The following PCSK5 variants were observed in gnomAD, a reference collection of about 807,000 sequenced individuals.
PCSK5 encodes proprotein convertase subtilisin/kexin type 5.
PCSK5 carries 129 observed loss-of-function variants against 233.2 expected under a neutral mutation model. The observed-to-expected ratio is 0.55, with a 90% CI of 0.48 to 0.64. PCSK5 has a LOEUF of 0.64. PCSK5 is among the 30% of genes least tolerant of loss of function. PCSK5 has a pLI of 0.00. For synonymous variants in PCSK5, 825 were observed against 879.2 expected (o/e 0.94, Z 1.09); for missense variants, 2,076 against 2,430.1 (o/e 0.85, Z 3.06).
intron 5 of PCSK5, among the ~76,000 whole-genome samples, chr9:76,052,860 A>G (rs1829681648): frequency 6.6e-6 from 1 of 152,208 alleles, no homozygotes; most frequent in African/African-American, 2.4e-5. Flanking sequence ...GGGTACAGGC[A>G]TGGGTAAATA....
chr9:76,287,542 C>T (rs1828117941), intron 24 of PCSK5: 1 of 152,556 alleles, frequency 6.6e-6, no homozygotes, highest in Non-Finnish European at 1.5e-5. Context: ...TCACTGCAAG[C>T]TCTACCTCCC....
intron 1 of PCSK5, among the ~76,000 whole-genome samples, chr9:75,928,010 A>G (rs914102868): frequency 1.3e-5 from 2 of 152,186 alleles, no homozygotes; most frequent in Non-Finnish European, 2.9e-5. Context: ...TCTGGGTGCA[A>G]GGGTGACGGG....
At chr9:75,959,635 A>C (rs999594795) in intron 2 of PCSK5, among the ~76,000 whole-genome samples, 1 of 152,206 alleles carries the variant, frequency 6.6e-6, no homozygotes, top group Non-Finnish European at 1.5e-5. Context: ...CAGCAGTTGT[A>C]CATACTCCAG....
intron 13 of PCSK5, among the ~76,000 whole-genome samples, chr9:76,171,508 A>G (rs60432824): frequency 3.3e-5 from 5 of 152,110 alleles, no homozygotes; most frequent in African/African-American, 1.2e-4. Context: ...CAGAAATTCT[A>G]CTCTCCATGA....
At chr9:76,140,298 A>G (rs1823157341) in intron 10 of PCSK5, among the ~76,000 whole-genome samples, 1 of 152,088 alleles carries the variant, frequency 6.6e-6, no homozygotes, top group Non-Finnish European at 1.5e-5. Flanking sequence ...AAGAGCCTTT[A>G]AATTCTAGAA....
rs769158934 is a variant in PCSK5, at chr9:75,986,120, C to T, written c.298-12C>T. ...TGGAACGTGAATACTCACCAAATGTCCTTCTTGACAGGTGGAATGGATCCA... is the reference window on the plus strand; with the variant it reads ...TGGAACGTGAATACTCACCAAATGTTCTTCTTGACAGGTGGAATGGATCCA... On this transcript the variant is annotated splice_polypyrimidine_tract_variant and intron_variant, in intron 2 of 37. Coordinates refer to ENST00000674117, the MANE Select transcript of PCSK5 (RefSeq NM_001372043.1). The T allele has an allele frequency of 3.4e-5, 51 of 1,506,390 alleles. No homozygotes were observed. The highest frequency in any genetic ancestry group is 4.4e-5 in the Non-Finnish European group (48 of 1,081,682). 93.3% of individuals were successfully genotyped at this position (1,506,390 alleles called of 1,614,324 possible).
chr9:76,081,265 C>T (rs887330200), intron 7 of PCSK5, among the ~76,000 whole-genome samples: 1 of 151,960 alleles, frequency 6.6e-6, no homozygotes, highest in Non-Finnish European at 1.5e-5. Flanking sequence ...ACCAGCTTGG[C>T]CAACATGGTG....
chr9:76,093,180 A>G (rs956471321), intron 7 of PCSK5, among the ~76,000 whole-genome samples: 1 of 148,560 alleles, frequency 6.7e-6, no homozygotes, highest in African/African-American at 2.5e-5. Flanking sequence ...CTGCAGCCTC[A>G]AACTCCTGGC....
intron 3 of PCSK5, among the ~76,000 whole-genome samples, chr9:76,014,759 T>G (rs1205101922): frequency 6.6e-6 from 1 of 152,192 alleles, no homozygotes; most frequent in Non-Finnish European, 1.5e-5. Context: ...TCTTCTCTTC[T>G]CATAGAATTC....
intron 7 of PCSK5, among the ~76,000 whole-genome samples, chr9:76,095,324 G>A (rs1037656841): frequency 5.9e-5 from 9 of 152,168 alleles, no homozygotes; most frequent in Admixed American, 1.3e-4. Context: ...TATACCTCAT[G>A]TTCCTCAGAT....
rs553011893 is a variant in PCSK5 at position 76,156,363 on chromosome 9, C to T, written c.1313-682C>T. Among the ~76,000 whole-genome samples, 210 of 152,110 alleles carry T rather than the reference C, an allele frequency of 1.4e-3. 1 individual carries two copies. Among genetic ancestry groups the T allele is most frequent in the Non-Finnish European group, 2.4e-3 (161 of 68,020 alleles). On this transcript the variant is annotated intron_variant, in intron 10 of 37. Coordinates refer to ENST00000674117, the MANE Select transcript of PCSK5 (RefSeq NM_001372043.1). ...AAAAGATTCAAAGACCTGAAGCTGG[C>T]ATAAAAGTCTAGAGGCCTCCAAATA...
At chr9:76,090,167 A>G (rs1831227275) in intron 7 of PCSK5, among the ~76,000 whole-genome samples, 1 of 152,098 alleles carries the variant, frequency 6.6e-6, no homozygotes, top group South Asian at 2.1e-4. Flanking sequence ...TATTTCCCAC[A>G]CTTTAGGAAA....
intron 10 of PCSK5, among the ~76,000 whole-genome samples, chr9:76,143,997 A>G (rs1400601209): frequency 1.3e-5 from 2 of 151,986 alleles, no homozygotes; most frequent in Non-Finnish European, 2.9e-5. Flanking sequence ...ATATAACTCC[A>G]CAAACATTTA....
In PCSK5 at chr9:76,293,128, G is replaced by A. The variant is rs543661671; in HGVS notation, c.3185+853G>A. Among the ~76,000 whole-genome samples, 26 of 151,636 alleles carry A rather than the reference G, an allele frequency of 1.7e-4. No homozygotes were observed. In the South Asian group the frequency reaches 5.2e-3, roughly 30 times the overall value. ...ACATTTGCGACATTTGGCCTTTGGC[G>A]GGTCACCTCCTCTTGTCACATTGCC... On this transcript the variant is annotated intron_variant, in intron 25 of 37. Coordinates refer to ENST00000674117, the MANE Select transcript of PCSK5 (RefSeq NM_001372043.1).
chr9:76,024,684 C>A (rs1462914611), intron 4 of PCSK5, among the ~76,000 whole-genome samples: 1 of 152,136 alleles, frequency 6.6e-6, no homozygotes, highest in African/African-American at 2.4e-5. Flanking sequence ...TGAGTGCCGT[C>A]TTTTATGTTT....
intron 32 of PCSK5, among the ~76,000 whole-genome samples, chr9:76,323,522 CAT>C (rs754481450): frequency 7.2e-5 from 11 of 151,934 alleles, no homozygotes; most frequent in Non-Finnish European, 1.3e-4. Context: ...TTGCTGGGAA[CAT>C]AGAGATGAGG....
Position 76,331,898 on chromosome 9 carries a change from T to A in PCSK5, c.4571-535T>A, listed in dbSNP as rs1301502738. Reference sequence around the variant, plus strand: ...GCCCTGTGGATCTATTTTGGACTTCTGACCTCCAGAACAGTAAGATAATAA... The same window carrying A: ...GCCCTGTGGATCTATTTTGGACTTCAGACCTCCAGAACAGTAAGATAATAA... On this transcript the variant is annotated intron_variant, in intron 33 of 37. Transcript: ENST00000674117. Among the ~76,000 whole-genome samples the A allele has an allele frequency of 1.3e-5, 2 of 152,188 alleles. 1 individual carries two copies. The highest frequency in any genetic ancestry group is 4.8e-5 in the African/African-American group (2 of 41,454).
chr9:75,998,965 C>T (rs1827143751), intron 3 of PCSK5, among the ~76,000 whole-genome samples: 1 of 152,092 alleles, frequency 6.6e-6, no homozygotes, highest in South Asian at 2.1e-4. Context: ...TTTCAAATTT[C>T]CCGATCTAAA....
chr9:76,097,598 C>T (rs1376360230), intron 8 of PCSK5, among the ~76,000 whole-genome samples: 1 of 152,154 alleles, frequency 6.6e-6, no homozygotes, highest in Non-Finnish European at 1.5e-5. Flanking sequence ...CAGCCTGCTG[C>T]GTGAGTTTCT....
Sources: allele counts gnomAD v4.1 joint callset (sites outside exome capture counted in the v4.1 genomes callset), GRCh38; gene constraint gnomAD v4.1.1; transcripts MANE v1.5; gene names NCBI Gene and HGNC (gene_info 2026-07-23, HGNC 2026-07-21).